Variants in PLPP4 observed in about 807,000 individuals in gnomAD.
PLPP4 encodes the protein diacylglycerol pyrophosphate like 2.
PLPP4 carries 20 observed loss-of-function variants against 32.2 expected under a neutral mutation model. The observed-to-expected ratio is 0.62, with a 90% CI of 0.44 to 0.90. The LOEUF is 0.90. Among genes scored for constraint, PLPP4 ranks in the 40% least tolerant of loss-of-function variants. PLPP4 has a pLI of 0.00. For missense variants in PLPP4, 257 were observed against 353.1 expected (o/e 0.73, Z 2.18); for synonymous variants, 127 against 133.0 (o/e 0.95, Z 0.31).
In PLPP4 at chr10:120,520,197, A is replaced by T. The variant is rs377086535; in HGVS notation, c.321-774A>T. 9.0e-4 allele frequency among the ~76,000 whole-genome samples: 137 copies of T among 152,236 alleles called. 2 individuals are homozygous for T. In the South Asian group the frequency reaches 0.025, roughly 27 times the overall value. On this transcript the variant is annotated intron_variant, in intron 4 of 6. Coordinates refer to ENST00000398250, the MANE Select transcript of PLPP4 (RefSeq NM_001030059.3). ...CGACTTCAGGCCCAGGGCCACCCCT[A>T]TGTGCCTCTAGAGATCTCTTTCCCA...
intron 6 of PLPP4, among the ~76,000 whole-genome samples, chr10:120,576,374 G>C (rs557385703): frequency 1.3e-5 from 2 of 152,308 alleles, no homozygotes; most frequent in East Asian, 3.9e-4. Flanking sequence ...TGCCTTGCAG[G>C]ACTGCCCTCT....
chr10:120,507,913 A>G, intron 2 of PLPP4, among the ~76,000 whole-genome samples: 1 of 152,226 alleles, frequency 6.6e-6, no homozygotes, highest in East Asian at 1.9e-4. Context: ...CAAGGTGAAC[A>G]GTTCAGCATC....
At chr10:120,520,464 G>A (rs528477471) in intron 4 of PLPP4, among the ~76,000 whole-genome samples, 6 of 152,286 alleles carry the variant, frequency 3.9e-5, no homozygotes, top group South Asian at 2.1e-4. Flanking sequence ...TTCTCTTCAG[G>A]CTGAGACCTA....
Position 120,520,986 on chromosome 10 carries a change from C to A in PLPP4, c.336C>A (p.Phe112Leu). Reference protein sequence around the residue: ...KLIVGRPRPDFFYRCFPDGVM... With the variant: ...KLIVGRPRPDLFYRCFPDGVM... Reference sequence around the variant, plus strand: ...TCTTTTGTAGACCTCGCCCCGATTTCTTTTACCGCTGCTTTCCAGATGGAG... The same window carrying A: ...TCTTTTGTAGACCTCGCCCCGATTTATTTTACCGCTGCTTTCCAGATGGAG... Residue 112 changes from phenylalanine to leucine, a missense_variant, in exon 5 of 7, where the codon TTC (phenylalanine) becomes TTA (leucine). By Grantham distance (22) the Phe-to-Leu change is conservative. Coordinates refer to ENST00000398250, the MANE Select transcript of PLPP4 (RefSeq NM_001030059.3). 6.2e-7 allele frequency: 1 copy of A among 1,614,006 alleles called. No homozygotes were observed. Among genetic ancestry groups the A allele is most frequent in the Non-Finnish European group, 8.5e-7 (1 of 1,179,974 alleles).
chr10:120,523,269 T>G (rs1846239914), intron 5 of PLPP4, among the ~76,000 whole-genome samples: 1 of 151,228 alleles, frequency 6.6e-6, no homozygotes, highest in South Asian at 2.1e-4. Flanking sequence ...GCCAGTGTAC[T>G]CCAGCCTGGC....
chr10:120,483,775 T>G (rs964973685), intron 1 of PLPP4, among the ~76,000 whole-genome samples: 1 of 152,134 alleles, frequency 6.6e-6, no homozygotes. Flanking sequence ...GCCTGACCCC[T>G]CCCCACTGTC....
intron 5 of PLPP4, among the ~76,000 whole-genome samples, chr10:120,528,134 G>A (rs1296807121): frequency 4.1e-5 from 6 of 146,174 alleles, no homozygotes; most frequent in African/African-American, 1.3e-4. Flanking sequence ...GAGTGCAGCG[G>A]CGCGATCTCG....
At chr10:120,573,034 G>A (rs1443947869) in intron 5 of PLPP4, among the ~76,000 whole-genome samples, 2 of 152,118 alleles carry the variant, frequency 1.3e-5, no homozygotes, top group Non-Finnish European at 2.9e-5. Context: ...AAATCATCAA[G>A]GCTCAGGTTC....
chr10:120,531,278 G>A (rs147042512), intron 5 of PLPP4, among the ~76,000 whole-genome samples: 44 of 151,880 alleles, frequency 2.9e-4, no homozygotes, highest in African/African-American at 9.7e-4. Context: ...GCTAATTTTT[G>A]TATTTTTAGT....
chr10:120,499,802 C>T (rs1377065679), intron 1 of PLPP4, among the ~76,000 whole-genome samples: 3 of 152,170 alleles, frequency 2.0e-5, no homozygotes, highest in Non-Finnish European at 4.4e-5. Flanking sequence ...CACACCTTCA[C>T]ACCTTCCCTA....
At chr10:120,461,445 C>T (rs1848043028) in intron 1 of PLPP4, among the ~76,000 whole-genome samples, 1 of 152,188 alleles carries the variant, frequency 6.6e-6, no homozygotes, top group Admixed American at 6.5e-5. Flanking sequence ...TCCTTGGCGT[C>T]TTATCTTCCT....
At chr10:120,585,406 G>T (rs1271855463) in intron 6 of PLPP4, among the ~76,000 whole-genome samples, 2 of 152,202 alleles carry the variant, frequency 1.3e-5, no homozygotes, top group African/African-American at 4.8e-5. Flanking sequence ...ATGCCAGAGA[G>T]GTGAGATCTG....
At chr10:120,481,097 A>G (rs2254865) in intron 1 of PLPP4, among the ~76,000 whole-genome samples, 133,013 of 152,278 alleles carry the variant, frequency 0.87, 58,646 homozygotes, top group South Asian at 0.96. Flanking sequence ...GACTGGCACA[A>G]ACAGATCCCA....
chr10:120,537,992 T>TTCTCTCTCTC (rs1158226991), intron 5 of PLPP4, among the ~76,000 whole-genome samples: 1 of 19,112 alleles, frequency 5.2e-5, no homozygotes, highest in African/African-American at 2.7e-4. Context: ...ACCAGGCCCT[T>TTCTCTCTCTC]TCTCTCTCTC....
chr10:120,528,058 T>C (rs1846487160), intron 5 of PLPP4, among the ~76,000 whole-genome samples: 1 of 145,398 alleles, frequency 6.9e-6, no homozygotes, highest in African/African-American at 2.6e-5. Context: ...ATTTGAAAAA[T>C]ACCACTCTCC....
At chr10:120,459,166 C>G (rs181639635) in intron 1 of PLPP4, among the ~76,000 whole-genome samples, 121 of 152,288 alleles carry the variant, frequency 7.9e-4, no homozygotes, top group African/African-American at 2.7e-3. Flanking sequence ...CTAAGGGTGT[C>G]ATGTAAAAGC....
rs572062470 is a variant in PLPP4 at position 120,576,239 on chromosome 10, C to A, written c.616+938C>A. ...CAAAGGAAAGAAAGTGTGCCTGAAT[C>A]CAGCTTCTTTGAATGAATGGGCTTC... On this transcript the variant is annotated intron_variant, in intron 6 of 6. Coordinates refer to ENST00000398250, the MANE Select transcript of PLPP4 (RefSeq NM_001030059.3). Among the ~76,000 whole-genome samples the A allele has an allele frequency of 1.8e-4, 27 of 152,348 alleles. No homozygotes were observed. In the South Asian group the frequency reaches 5.0e-3, roughly 28 times the overall value.
chr10:120,515,883 T>A (rs1037991529), intron 3 of PLPP4, among the ~76,000 whole-genome samples: 21 of 152,316 alleles, frequency 1.4e-4, no homozygotes, highest in African/African-American at 4.8e-4. Flanking sequence ...ATGGTTATGG[T>A]TCTCACTGAC....
chr10:120,465,124 C>T (rs530503894), intron 1 of PLPP4, among the ~76,000 whole-genome samples: 1 of 152,340 alleles, frequency 6.6e-6, no homozygotes, highest in East Asian at 1.9e-4. Context: ...CTCACTACCT[C>T]TATTTTTCAA....
Sources: allele counts gnomAD v4.1 joint callset (sites outside exome capture counted in the v4.1 genomes callset), GRCh38; gene constraint gnomAD v4.1.1; transcripts MANE v1.5; gene names NCBI Gene and HGNC (gene_info 2026-07-23, HGNC 2026-07-21).